Variants in SLC30A6 observed in about 807,000 individuals in gnomAD.
SLC30A6 encodes zinc transporter 6.
A neutral mutation model predicts 63.0 loss-of-function variants in SLC30A6; 55 were observed. That is an observed-to-expected ratio of 0.87 (90% confidence interval 0.70 to 1.09). The LOEUF (loss-of-function observed/expected upper bound fraction) is 1.09. SLC30A6 is among the 50% of genes least tolerant of loss of function. The pLI, the probability that SLC30A6 is intolerant of heterozygous loss-of-function variation, is 0.00. For missense variants in SLC30A6, 587 were observed against 549.2 expected, an observed-to-expected ratio of 1.07 and a Z score of -0.69; for synonymous variants, 224 against 186.1, an observed-to-expected ratio of 1.20 and a Z score of -1.66.
At chr2:32,188,445 G>C (rs1408147188) in intron 5 of SLC30A6, among the ~76,000 whole-genome samples, 1 of 152,160 alleles carries the variant, frequency 6.6e-6, no homozygotes, top group African/African-American at 2.4e-5. Context: ...TATAATCCCA[G>C]CGCTTTGGGA....
At chr2:32,216,850 A>G (rs1222328891) in intron 13 of SLC30A6, among the ~76,000 whole-genome samples, 1 of 150,446 alleles carries the variant, frequency 6.6e-6, no homozygotes, top group Non-Finnish European at 1.5e-5. Context: ...CCCATTCTGT[A>G]GGTGTTTCTT....
At chr2:32,219,805 C>T (rs1438091658) in intron 13 of SLC30A6, among the ~76,000 whole-genome samples, 1 of 152,108 alleles carries the variant, frequency 6.6e-6, no homozygotes, top group African/African-American at 2.4e-5. Context: ...ATTGCTTTTC[C>T]CTCAGTGTGG....
chr2:32,180,897 A>G (rs1682249887), intron 4 of SLC30A6, among the ~76,000 whole-genome samples: 1 of 152,212 alleles, frequency 6.6e-6, no homozygotes, highest in African/African-American at 2.4e-5. Flanking sequence ...ATTTAATTTG[A>G]GGAAGTTTCT....
chr2:32,201,677 G>T, intron 10 of SLC30A6: 1 of 1,482,256 alleles, frequency 6.7e-7, no homozygotes, highest in Non-Finnish European at 9.2e-7. Flanking sequence ...AGAAGAAGGA[G>T]AGGCAGAAGA....
intron 5 of SLC30A6, chr2:32,187,027 A>G (rs1682891462): frequency 2.8e-6 from 1 of 363,612 alleles, no homozygotes; most frequent in Non-Finnish European, 5.4e-6. Context: ...AAAGAAAAAG[A>G]AAAATGAGTT....
intron 7 of SLC30A6, among the ~76,000 whole-genome samples, chr2:32,193,266 T>C (rs1436544034): frequency 1.3e-5 from 2 of 152,072 alleles, no homozygotes; most frequent in Non-Finnish European, 2.9e-5. Flanking sequence ...CTTCAAAATC[T>C]TTGCATAGCA....
intron 10 of SLC30A6, chr2:32,203,133 A>T (rs1164265050): frequency 3.1e-6 from 4 of 1,282,184 alleles, no homozygotes; most frequent in Non-Finnish European, 4.6e-6. Flanking sequence ...TTTGGTGGCA[A>T]CCAACGTGGC....
chr2:32,209,436 C>A (rs1685062908), intron 12 of SLC30A6, 57 bp from the exon 13 acceptor site: 1 of 1,375,336 alleles, frequency 7.3e-7, no homozygotes, highest in Non-Finnish European at 1.0e-6. Context: ...TGTGACTAAA[C>A]TGCATTGGAT....
intron 13 of SLC30A6, 61 bp from the exon 14 acceptor site, chr2:32,220,152 A>G: frequency 1.3e-6 from 2 of 1,511,258 alleles, no homozygotes; most frequent in Non-Finnish European, 1.8e-6. Flanking sequence ...TGTTTTATCT[A>G]ATGAATTTTT....
chr2:32,166,806 G>A (rs1292958818), intron 1 of SLC30A6, among the ~76,000 whole-genome samples: 3 of 152,278 alleles, frequency 2.0e-5, no homozygotes, highest in Non-Finnish European at 2.9e-5. Flanking sequence ...TTTATGTTTT[G>A]TAAATTTTCT....
At chr2:32,185,104 C>T (rs748243304) in intron 5 of SLC30A6, among the ~76,000 whole-genome samples, 5 of 152,040 alleles carry the variant, frequency 3.3e-5, no homozygotes, top group Non-Finnish European at 5.9e-5. Flanking sequence ...TGTGGTGGCT[C>T]ATGCCTGTAA....
Position 32,192,339 on chromosome 2 carries a change from T to G in SLC30A6, c.288T>G (p.Phe96Leu), listed in dbSNP as rs369914347. ...RKPSPVYSFG[F>L]ERLEVLAVFA... ...CTAATTAATGTTTTGGTTTCAGGTT[T>G]GAAAGATTAGAAGTCCTGGCTGTAT... The change falls in exon 6 of 14, where the codon TTT becomes TTG. Residue 96 changes from phenylalanine (F) to leucine (L), a missense_variant. By Grantham distance (22) the Phe-to-Leu change is conservative. Transcript: ENST00000282587. 1 of 1,613,858 alleles carries G rather than the reference T, an allele frequency of 6.2e-7. No individual in the cohort carries two copies. The highest frequency in any genetic ancestry group is 1.3e-5 in the African/African-American group (1 of 74,926).
chr2:32,189,281 CTTT>C (rs61221362), intron 5 of SLC30A6, among the ~76,000 whole-genome samples: 36 of 114,848 alleles, frequency 3.1e-4, no homozygotes, highest in African/African-American at 9.4e-4. Context: ...TTGATACTGT[CTTT>C]TTTTTTTTTT....
chr2:32,219,573 T>A (rs529864885), intron 13 of SLC30A6, among the ~76,000 whole-genome samples: 1 of 152,110 alleles, frequency 6.6e-6, no homozygotes, highest in South Asian at 2.1e-4. Context: ...TAGCTGGGAT[T>A]ACAGGCACAC....
At chr2:32,209,642 A>T (rs1685083470) in intron 13 of SLC30A6, 81 bp downstream of exon 13, 17 of 1,166,920 alleles carry the variant, frequency 1.5e-5, no homozygotes, top group East Asian at 5.2e-5. Context: ...ATATTTCCTT[A>T]AAATTTTTAT....
chr2:32,220,940 G>T lies in SLC30A6; in HGVS notation c.*227G>T. ...TAAATAGGCTTCCTTTAGAAAATGT[G>T]TTTCTTTAAATTTGGATTTTGGTAT... On this transcript the variant is annotated 3_prime_UTR_variant, in exon 14 of 14. Coordinates refer to ENST00000282587, the MANE Select transcript of SLC30A6 (RefSeq NM_017964.5). The T allele has an allele frequency of 2.1e-6, 1 of 467,264 alleles. No homozygotes were observed. The allele number at this position is 467,264 out of a possible 1,614,324, so 28.9% of individuals were successfully genotyped here. A position where few individuals can be genotyped will look rare whatever the true frequency, so the allele number is the denominator to read the frequency against.
intron 1 of SLC30A6, among the ~76,000 whole-genome samples, chr2:32,168,008 G>T (rs980642938): frequency 2.0e-5 from 3 of 152,152 alleles, no homozygotes; most frequent in African/African-American, 7.2e-5. Flanking sequence ...GCTTTGTAGC[G>T]TGCCTGGCCC....
At position 32,220,577 on chromosome 2, in the gene SLC30A6, A is replaced by G; in HGVS notation, c.1250A>G (p.His417Arg). The change falls in exon 14 of 14, where the codon CAC (histidine) becomes CGC (arginine). Residue 417 changes from histidine to arginine, a missense_variant. Transcript: ENST00000282587. Reference protein sequence around the residue: ...RPYGFGLNHGHTPYSSMLNQG... With the variant: ...RPYGFGLNHGRTPYSSMLNQG... ...TATGGTTTTGGTCTCAATCATGGACACACACCTTACAGCAGCATGCTTAAT... is the reference window on the plus strand; with the variant it reads ...TATGGTTTTGGTCTCAATCATGGACGCACACCTTACAGCAGCATGCTTAAT... 6.2e-7 allele frequency: 1 copy of G among 1,614,230 alleles called. No homozygotes were observed. The highest frequency in any genetic ancestry group is 8.5e-7 in the Non-Finnish European group (1 of 1,180,040).
At chr2:32,216,726 TCATG>T in intron 13 of SLC30A6, among the ~76,000 whole-genome samples, 1 of 152,092 alleles carries the variant, frequency 6.6e-6, no homozygotes, top group African/African-American at 2.4e-5. Flanking sequence ...AGATGTATCT[TCATG>T]TTTTTTTCCC....
Sources: gnomAD v4.1 joint callset for allele counts (sites outside exome capture counted in the v4.1 genomes callset) on GRCh38, gnomAD v4.1.1 for gene constraint, MANE v1.5 for transcripts, NCBI Gene and HGNC (gene_info 2026-07-23, HGNC 2026-07-21) for gene names.